Variants in MDGA2 observed in about 807,000 individuals in gnomAD.
MDGA2 encodes MAM domain-containing glycosylphosphatidylinositol anchor protein 2.
A neutral mutation model predicts 117.8 loss-of-function variants in MDGA2; 40 were observed. That is an observed-to-expected ratio of 0.34 (90% CI 0.26 to 0.44). The LOEUF (loss-of-function observed/expected upper bound fraction) is 0.44. Among genes scored for constraint, MDGA2 ranks in the 20% least tolerant of loss-of-function variants. The pLI, the probability that MDGA2 is intolerant of heterozygous loss-of-function variation, is 1.00. For missense variants in MDGA2, 1,123 were observed against 1,250.6 expected (o/e 0.90, Z 1.54); for synonymous variants, 452 against 439.0 (o/e 1.03, Z -0.37).
At chr14:47,240,045 A>T (rs1213775832) in intron 2 of MDGA2, among the ~76,000 whole-genome samples, 3 of 151,538 alleles carry the variant, frequency 2.0e-5, no homozygotes, top group Non-Finnish European at 3.0e-5. Flanking sequence ...GGTTAGAAAC[A>T]GTTTTTGCTG....
At chr14:47,194,658 G>C (rs1323862243) in intron 3 of MDGA2, among the ~76,000 whole-genome samples, 1 of 151,972 alleles carries the variant, frequency 6.6e-6, no homozygotes, top group Admixed American at 6.6e-5. Context: ...CTACAGTATT[G>C]AACTGAAGAT....
intron 1 of MDGA2, among the ~76,000 whole-genome samples, chr14:47,502,216 A>G (rs1566487862): frequency 1.3e-5 from 2 of 152,128 alleles, no homozygotes; most frequent in Admixed American, 6.5e-5. Context: ...ATTATATAAT[A>G]TATATTAAAA....
At chr14:47,112,165 T>G (rs1013783171) in intron 5 of MDGA2, among the ~76,000 whole-genome samples, 1 of 151,588 alleles carries the variant, frequency 6.6e-6, no homozygotes, top group Non-Finnish European at 1.5e-5. Flanking sequence ...ATAAAAGAAA[T>G]GGGAAGAGAA....
At chr14:47,614,004 T>C (rs948694541) in intron 1 of MDGA2, among the ~76,000 whole-genome samples, 16 of 151,886 alleles carry the variant, frequency 1.1e-4, no homozygotes, top group African/African-American at 3.6e-4. Flanking sequence ...TTAGAAGTTA[T>C]GATAAACTTT....
At chr14:47,313,267 TC>T (rs148119353) in intron 1 of MDGA2, among the ~76,000 whole-genome samples, 6,137 of 152,158 alleles carry the variant, frequency 0.04, 137 homozygotes, top group Middle Eastern at 0.054. Context: ...AAATGTACTT[TC>T]TTTTTATTTT....
At chr14:47,321,793 T>C (rs1031603530) in intron 1 of MDGA2, among the ~76,000 whole-genome samples, 1 of 152,190 alleles carries the variant, frequency 6.6e-6, no homozygotes, top group Non-Finnish European at 1.5e-5. Context: ...TTCCATAAAC[T>C]TTTTGTCTGG....
At chr14:46,959,412 ATATCTT>A (rs1247391171) in intron 8 of MDGA2, among the ~76,000 whole-genome samples, 3 of 151,656 alleles carry the variant, frequency 2.0e-5, no homozygotes, top group Non-Finnish European at 4.4e-5. Flanking sequence ...TATACTTTTA[ATATCTT>A]TATAAGTATT....
intron 1 of MDGA2, among the ~76,000 whole-genome samples, chr14:47,445,847 GA>G (rs1893111172): frequency 6.6e-6 from 1 of 152,098 alleles, no homozygotes; most frequent in Non-Finnish European, 1.5e-5. Flanking sequence ...AGCACAAACA[GA>G]AAAAGCAAAC....
chr14:46,998,346 T>C (rs957299062), intron 8 of MDGA2, among the ~76,000 whole-genome samples: 3 of 152,058 alleles, frequency 2.0e-5, no homozygotes, highest in Non-Finnish European at 4.4e-5. Context: ...CCAAGTCAAC[T>C]GTAAGAAGGG....
intron 1 of MDGA2, among the ~76,000 whole-genome samples, chr14:47,636,984 T>A (rs913886102): frequency 2.0e-5 from 3 of 150,806 alleles, no homozygotes; most frequent in South Asian, 2.1e-4. Flanking sequence ...AAAAAAAAAA[T>A]TAAAAAAATG....
Position 46,971,116 on chromosome 14 carries a change from G to A in MDGA2, c.1820-13473C>T, listed in dbSNP as rs112042371. 2.6e-5 allele frequency among the ~76,000 whole-genome samples: 4 copies of A among 152,062 alleles called. No individual in the cohort carries two copies. In the South Asian group the frequency reaches 8.3e-4, roughly 31 times the overall value. ...AAGACAATTCATACACTGCTAGTGG[G>A]CAAGTAAATTAGTATACCCACTACA... On this transcript the variant is annotated intron_variant, in intron 8 of 16. Coordinates refer to ENST00000399232, the MANE Select transcript of MDGA2 (RefSeq NM_001113498.3).
chr14:47,473,040 C>T lies in MDGA2; in HGVS notation c.281-171490G>A, dbSNP rs1457752722. 2.6e-5 allele frequency among the ~76,000 whole-genome samples: 4 copies of T among 151,958 alleles called. No homozygotes were observed. In the East Asian group the frequency reaches 7.7e-4, roughly 29 times the overall value. On this transcript the variant is annotated intron_variant, in intron 1 of 16. Transcript: ENST00000399232. ...AATGCGAGTAGAAGCACATGAATGC[C>T]CAATGGGAGGAAAAACCTGCATGAT...
At position 46,980,614 on chromosome 14, in the gene MDGA2, G is replaced by A. The variant is rs1057092056; in HGVS notation, c.1820-22971C>T. Among the ~76,000 whole-genome samples the A allele has an allele frequency of 2.0e-5, 3 of 152,100 alleles. No homozygotes were observed. In the South Asian group the frequency reaches 6.2e-4, roughly 32 times the overall value. ...TAAATCTTTCATGAAATGAAATGAT[G>A]AGTTAATCAATGTGGCAAACTTCAC... On this transcript the variant is annotated intron_variant, in intron 8 of 16. Coordinates refer to ENST00000399232, the MANE Select transcript of MDGA2 (RefSeq NM_001113498.3).
chr14:47,317,584 G>C lies in MDGA2; in HGVS notation c.281-16034C>G, dbSNP rs533019552. On this transcript the variant is annotated intron_variant, in intron 1 of 16. Coordinates refer to ENST00000399232, the MANE Select transcript of MDGA2 (RefSeq NM_001113498.3). ...TCAAGAAAAGCTTCCTGTAATGCTAGTCAACACTAAATAAGCCTTCCCCTA... is the reference window on the plus strand; with the variant it reads ...TCAAGAAAAGCTTCCTGTAATGCTACTCAACACTAAATAAGCCTTCCCCTA... Among the ~76,000 whole-genome samples, 3 of 152,084 alleles carry C rather than the reference G, an allele frequency of 2.0e-5. No homozygotes were observed. The East Asian group carries it at 5.8e-4, about 29-fold the overall frequency.
chr14:47,360,122 T>C (rs1377762737), intron 1 of MDGA2, among the ~76,000 whole-genome samples: 1 of 151,770 alleles, frequency 6.6e-6, no homozygotes, highest in Non-Finnish European at 1.5e-5. Flanking sequence ...GAGGCTGAGG[T>C]GGGCGGATCA....
At chr14:47,257,467 G>C (rs1292814775) in intron 2 of MDGA2, among the ~76,000 whole-genome samples, 1 of 151,920 alleles carries the variant, frequency 6.6e-6, no homozygotes, top group Non-Finnish European at 1.5e-5. Flanking sequence ...ACTTCTTCCA[G>C]CTCTCTCCAC....
At chr14:47,385,434 A>T (rs971465538) in intron 1 of MDGA2, among the ~76,000 whole-genome samples, 1 of 152,130 alleles carries the variant, frequency 6.6e-6, no homozygotes, top group Admixed American at 6.5e-5. Flanking sequence ...TTTGTATATG[A>T]AATTATCTAT....
chr14:47,624,565 C>T (rs1168804136), intron 1 of MDGA2, among the ~76,000 whole-genome samples: 2 of 152,206 alleles, frequency 1.3e-5, no homozygotes, highest in East Asian at 3.9e-4. Flanking sequence ...ATAAATAGAG[C>T]CAAAGGGTTG....
In MDGA2 at chr14:47,426,229, C is replaced by A. The variant is rs1004101545; in HGVS notation, c.281-124679G>T. Among the ~76,000 whole-genome samples the A allele has an allele frequency of 3.9e-5, 6 of 152,166 alleles. No individual in the cohort carries two copies. In the South Asian group the frequency reaches 6.2e-4, roughly 16 times the overall value. Reference sequence around the variant, plus strand: ...ACTAATTCTGCCTCCTAAATTTTTGCTAATTTGACTCCCATCGGAGGATCT... The same window carrying A: ...ACTAATTCTGCCTCCTAAATTTTTGATAATTTGACTCCCATCGGAGGATCT... On this transcript the variant is annotated intron_variant, in intron 1 of 16. Transcript: ENST00000399232.
Sources: allele counts gnomAD v4.1 joint callset (sites outside exome capture counted in the v4.1 genomes callset), GRCh38; gene constraint gnomAD v4.1.1; transcripts MANE v1.5; gene names NCBI Gene and HGNC (gene_info 2026-07-23, HGNC 2026-07-21).